ARHGEF28: variants seen among roughly 807,000 people sequenced by gnomAD.
ARHGEF28 encodes the protein Rho guanine nucleotide exchange factor 28, also known as 190 kDa guanine nucleotide exchange factor.
ARHGEF28 carries 152 observed loss-of-function variants against 206.6 expected under a neutral mutation model. The ratio of observed to expected loss-of-function variants is 0.74; its 90% CI spans 0.64 to 0.84. ARHGEF28 has a LOEUF of 0.84. Among genes scored for constraint, ARHGEF28 ranks in the 40% least tolerant of loss-of-function variants. The pLI is 0.00. For missense variants in ARHGEF28, 2,028 were observed against 2,073.2 expected (o/e 0.98, Z 0.42); for synonymous variants, 763 against 776.4 (o/e 0.98, Z 0.29).
Position 73,932,050 on chromosome 5 carries a change from G to C in ARHGEF28, c.4949-8794G>C, listed in dbSNP as rs143772975. Among the ~76,000 whole-genome samples the C allele has an allele frequency of 8.8e-4, 134 of 152,262 alleles. 1 individual carries two copies. The highest frequency in any genetic ancestry group is 3.2e-3 in the African/African-American group (133 of 41,542). ...AGCTTTTGGTGTTAAAATGTAAAAGGTTAGTGTTCTAAGAAACTTGAAATA... is the reference window on the plus strand; with the variant it reads ...AGCTTTTGGTGTTAAAATGTAAAAGCTTAGTGTTCTAAGAAACTTGAAATA... On this transcript the variant is annotated intron_variant, in intron 35 of 35. Coordinates refer to ENST00000513042, the MANE Select transcript of ARHGEF28 (RefSeq NM_001177693.2).
intron 20 of ARHGEF28, among the ~76,000 whole-genome samples, chr5:73,869,447 A>T (rs1759940883): frequency 6.6e-6 from 1 of 152,088 alleles, no homozygotes. Context: ...CACATTATGG[A>T]CTCTGTAGGT....
chr5:73,638,510 C>T (rs1296058984), intron 1 of ARHGEF28, among the ~76,000 whole-genome samples: 2 of 152,128 alleles, frequency 1.3e-5, no homozygotes, highest in Non-Finnish European at 2.9e-5. Flanking sequence ...GCCAAGTATC[C>T]TACAACTTTG....
intron 1 of ARHGEF28, among the ~76,000 whole-genome samples, chr5:73,651,122 C>T (rs1744800544): frequency 6.6e-6 from 1 of 152,110 alleles, no homozygotes; most frequent in Non-Finnish European, 1.5e-5. Flanking sequence ...GACCTGTTTA[C>T]ATATGTGGGG....
chr5:73,633,838 A>G (rs994265069), intron 1 of ARHGEF28, among the ~76,000 whole-genome samples: 1 of 152,030 alleles, frequency 6.6e-6, no homozygotes, highest in African/African-American at 2.4e-5. Flanking sequence ...TGGCCTCCCA[A>G]CGTGCTGGGG....
chr5:73,630,973 A>C (rs1377891386), intron 1 of ARHGEF28, among the ~76,000 whole-genome samples: 1 of 152,318 alleles, frequency 6.6e-6, no homozygotes, highest in East Asian at 1.9e-4. Context: ...GACAGTCATC[A>C]GGTTTAAATG....
chr5:73,655,854 C>T (rs995200315), intron 1 of ARHGEF28, among the ~76,000 whole-genome samples: 19 of 152,118 alleles, frequency 1.2e-4, no homozygotes, highest in South Asian at 2.1e-4. Context: ...AAATTCTACC[C>T]GGAGAACTGA....
At chr5:73,802,218 C>T (rs1367631222) in intron 9 of ARHGEF28, among the ~76,000 whole-genome samples, 1 of 146,094 alleles carries the variant, frequency 6.8e-6, no homozygotes, top group East Asian at 2.0e-4. Flanking sequence ...ATGATTAAAC[C>T]TTTAAAAGTT....
At chr5:73,760,251 A>C (rs1213147830) in intron 4 of ARHGEF28, among the ~76,000 whole-genome samples, 1 of 152,234 alleles carries the variant, frequency 6.6e-6, no homozygotes, top group Non-Finnish European at 1.5e-5. Context: ...AGTGGGTAGG[A>C]AACCCATAAA....
chr5:73,632,711 A>C (rs971975841), intron 1 of ARHGEF28, among the ~76,000 whole-genome samples: 12 of 152,216 alleles, frequency 7.9e-5, no homozygotes, highest in African/African-American at 2.9e-4. Context: ...CATGATTTTG[A>C]ATCCTTTCAC....
intron 7 of ARHGEF28, among the ~76,000 whole-genome samples, chr5:73,791,588 T>G (rs1754484546): frequency 6.6e-6 from 1 of 152,174 alleles, no homozygotes; most frequent in Non-Finnish European, 1.5e-5. Context: ...TTTATTTGCT[T>G]AAGTCTAGAC....
intron 29 of ARHGEF28, 85 bp downstream of exon 29, chr5:73,894,660 G>A: frequency 6.9e-7 from 1 of 1,458,440 alleles, no homozygotes. Flanking sequence ...CTGTGGTCTT[G>A]GTGCTGAGGA....
At chr5:73,650,807 C>T (rs1744299466) in intron 1 of ARHGEF28, among the ~76,000 whole-genome samples, 1 of 151,994 alleles carries the variant, frequency 6.6e-6, no homozygotes. Context: ...TGCCACCATG[C>T]CCAGCTCGTT....
intron 1 of ARHGEF28, among the ~76,000 whole-genome samples, chr5:73,648,823 A>G (rs921756350): frequency 3.3e-5 from 5 of 152,052 alleles, no homozygotes; most frequent in African/African-American, 1.2e-4. Context: ...CACACCACTC[A>G]TCCTGTCTCT....
rs759280156 is a variant in ARHGEF28, at chr5:73,868,077, TTGCTC to T, written c.2298-22_2298-18del. On this transcript the variant is annotated intron_variant, in intron 19 of 35. Coordinates refer to ENST00000513042, the MANE Select transcript of ARHGEF28 (RefSeq NM_001177693.2). ...GCTCAGAGAGCTTCTGGGGCTAACT[TTGCTC>T]CCCTCCCTCTCTCCTAGCTTCAGGA... 2 of 1,612,972 alleles carry T rather than the reference TTGCTC, an allele frequency of 1.2e-6. No homozygotes were observed. Among genetic ancestry groups the T allele is most frequent in the Non-Finnish European group, 8.5e-7 (1 of 1,179,406 alleles).
chr5:73,914,365 A>G (rs1161488051), intron 35 of ARHGEF28, among the ~76,000 whole-genome samples: 1 of 150,088 alleles, frequency 6.7e-6, no homozygotes, highest in Non-Finnish European at 1.5e-5. Flanking sequence ...CATGCTGTCA[A>G]TCATTACACT....
intron 35 of ARHGEF28, among the ~76,000 whole-genome samples, chr5:73,927,698 C>G (rs1203647668): frequency 6.6e-6 from 1 of 152,048 alleles, no homozygotes; most frequent in Non-Finnish European, 1.5e-5. Flanking sequence ...ACTTTAAGGG[C>G]CTAATTTTTC....
At chr5:73,786,056 CAA>C (rs61560155) in intron 7 of ARHGEF28, among the ~76,000 whole-genome samples, 104 of 76,446 alleles carry the variant, frequency 1.4e-3, no homozygotes, top group African/African-American at 2.4e-3. Context: ...TGGCAGTAAC[CAA>C]AAAAAAAAAA....
rs539854976 is a variant in ARHGEF28 at position 73,851,511 on chromosome 5, G to A, written c.1748-1139G>A. Among the ~76,000 whole-genome samples the A allele has an allele frequency of 4.4e-4, 66 of 151,710 alleles. 1 individual carries two copies. Among genetic ancestry groups the A allele is most frequent in the Middle Eastern group, 3.4e-3 (1 of 294 alleles). ...TTATAATTCCCTTTGGTCTATTATA[G>A]ATTTAGGCAGAAAGGAACATTGCCA... On this transcript the variant is annotated intron_variant, in intron 13 of 35. Coordinates refer to ENST00000513042, the MANE Select transcript of ARHGEF28 (RefSeq NM_001177693.2).
intron 4 of ARHGEF28, 40 bp downstream of exon 4, chr5:73,753,242 G>A (rs1752118799): frequency 2.7e-6 from 4 of 1,505,464 alleles, no homozygotes; most frequent in Non-Finnish European, 3.5e-6. Context: ...CCCTCTGTGT[G>A]TCAAGTTCAG....
Sources: gnomAD v4.1 joint callset for allele counts (sites outside exome capture counted in the v4.1 genomes callset) on GRCh38, gnomAD v4.1.1 for gene constraint, MANE v1.5 for transcripts, NCBI Gene and HGNC (gene_info 2026-07-23, HGNC 2026-07-21) for gene names.